RAB2A: variants seen among roughly 807,000 people sequenced by gnomAD.
The protein encoded by RAB2A is RAB2A, member RAS oncogene family.
In RAB2A, 7 loss-of-function variants were observed where a neutral mutation model predicts 32.5. The observed-to-expected ratio is 0.22, with a 90% confidence interval of 0.12 to 0.40. The LOEUF is 0.40. Ranked by LOEUF, RAB2A falls within the 10% of genes least tolerant of loss-of-function variation. RAB2A has a pLI of 1.00. For synonymous variants in RAB2A, 79 were observed against 85.2 expected (o/e 0.93, Z 0.40); for missense variants, 108 against 260.7 (o/e 0.41, Z 4.03).
intron 1 of RAB2A, among the ~76,000 whole-genome samples, chr8:60,549,404 G>A (rs1264238790): frequency 2.6e-5 from 4 of 152,142 alleles, no homozygotes; most frequent in African/African-American, 7.2e-5. Flanking sequence ...TCGGGAGGCC[G>A]AGGCTGGCGG....
chr8:60,562,964 GGCCTACTTA>G (rs1055039465), intron 2 of RAB2A, among the ~76,000 whole-genome samples: 2 of 151,684 alleles, frequency 1.3e-5, no homozygotes, highest in African/African-American at 4.8e-5. Flanking sequence ...ATTGGCCCAA[GGCCTACTTA>G]ACATTTTTGA....
chr8:60,563,925 C>T (rs562798667), intron 2 of RAB2A, among the ~76,000 whole-genome samples: 79 of 152,242 alleles, frequency 5.2e-4, no homozygotes, highest in African/African-American at 1.8e-3. Context: ...ATCATAGTCT[C>T]GTGGCTAAAC....
chr8:60,572,092 A>C lies in RAB2A; in HGVS notation c.165A>C (p.Ile55=). ...TGATAACTATTGATGGGAAACAGAT[A>C]AAACTTCAGATATGGGATACGGTAA... ...ARMITIDGKQ[I]KLQIWDTAGQ... The change falls in exon 3 of 8, where the codon ATA becomes ATC. Residue 55 remains isoleucine (I), a synonymous_variant. Transcript: ENST00000262646. 1 of 1,606,748 alleles carries C rather than the reference A, an allele frequency of 6.2e-7. No individual in the cohort carries two copies. The highest frequency in any genetic ancestry group is 1.1e-5 in the South Asian group (1 of 90,846).
intron 7 of RAB2A, among the ~76,000 whole-genome samples, chr8:60,619,328 GT>G (rs1425875191): frequency 1.3e-4 from 20 of 152,148 alleles, no homozygotes; most frequent in African/African-American, 4.3e-4. Flanking sequence ...AAATGTTTAT[GT>G]GGATGTAGCC....
intron 2 of RAB2A, among the ~76,000 whole-genome samples, chr8:60,566,978 A>G (rs188612689): frequency 6.6e-6 from 1 of 152,262 alleles, no homozygotes; most frequent in African/African-American, 2.4e-5. Flanking sequence ...TAATCCCTAT[A>G]TAGCTTGTGG....
chr8:60,544,878 T>A (rs972913037), intron 1 of RAB2A, among the ~76,000 whole-genome samples: 3 of 152,144 alleles, frequency 2.0e-5, no homozygotes, highest in Non-Finnish European at 4.4e-5. Context: ...TTCACGGTTT[T>A]TCAGTTTGTA....
At chr8:60,527,959 C>A (rs1269568023) in intron 1 of RAB2A, among the ~76,000 whole-genome samples, 1 of 152,168 alleles carries the variant, frequency 6.6e-6, no homozygotes, top group Non-Finnish European at 1.5e-5. Flanking sequence ...CACATACAGT[C>A]TTTTTGTATA....
chr8:60,561,180 C>G (rs772467936), intron 2 of RAB2A, among the ~76,000 whole-genome samples: 1 of 152,076 alleles, frequency 6.6e-6, no homozygotes, highest in African/African-American at 2.4e-5. Flanking sequence ...GGTTTATACC[C>G]CATCTCTTCT....
At chr8:60,599,501 C>A (rs10957150) in intron 6 of RAB2A, among the ~76,000 whole-genome samples, 71,249 of 151,856 alleles carry the variant, frequency 0.47, 17,726 homozygotes, top group African/African-American at 0.64. Flanking sequence ...AAGGAGAATA[C>A]AATGGGATGA....
At chr8:60,598,437 A>C (rs1804068231) in intron 6 of RAB2A, among the ~76,000 whole-genome samples, 1 of 152,194 alleles carries the variant, frequency 6.6e-6, no homozygotes. Context: ...AAGACAATAC[A>C]AAAAAAGGAA....
At chr8:60,598,629 G>C (rs973558945) in intron 6 of RAB2A, among the ~76,000 whole-genome samples, 1 of 152,038 alleles carries the variant, frequency 6.6e-6, no homozygotes, top group Admixed American at 6.6e-5. Context: ...AAACAAATCA[G>C]TGTACTCCAC....
intron 1 of RAB2A, among the ~76,000 whole-genome samples, chr8:60,527,091 T>C (rs1055962825): frequency 5.3e-5 from 8 of 151,806 alleles, no homozygotes; most frequent in Non-Finnish European, 7.4e-5. Context: ...AGGAAACTTA[T>C]AATCATGGCA....
intron 5 of RAB2A, among the ~76,000 whole-genome samples, 160 bp downstream of exon 5, chr8:60,584,975 T>A (rs1383680616): frequency 6.6e-6 from 1 of 152,238 alleles, no homozygotes; most frequent in Non-Finnish European, 1.5e-5. Flanking sequence ...TAAAATGATG[T>A]TAATAAGCTT....
intron 1 of RAB2A, among the ~76,000 whole-genome samples, chr8:60,556,750 G>A (rs1220285124): frequency 6.6e-6 from 1 of 151,796 alleles, no homozygotes; most frequent in African/African-American, 2.4e-5. Flanking sequence ...GTCAGAATGA[G>A]ATTAGTATTA....
At chr8:60,517,786 A>G (rs1807232401) in intron 1 of RAB2A, among the ~76,000 whole-genome samples, 1 of 152,070 alleles carries the variant, frequency 6.6e-6, no homozygotes, top group Admixed American at 6.5e-5. Context: ...AACCTTTAAA[A>G]TATGTATTTT....
At chr8:60,596,633 G>T (rs1464643123) in intron 6 of RAB2A, among the ~76,000 whole-genome samples, 1 of 152,112 alleles carries the variant, frequency 6.6e-6, no homozygotes. Context: ...ATTAAAAAGT[G>T]AGGAAACGGC....
chr8:60,536,612 A>G (rs1807562147), intron 1 of RAB2A, among the ~76,000 whole-genome samples: 1 of 152,226 alleles, frequency 6.6e-6, no homozygotes, highest in South Asian at 2.1e-4. Flanking sequence ...TTGGAACACT[A>G]TTATTTGGGA....
At chr8:60,584,113 C>T in intron 3 of RAB2A, 95 bp from the exon 4 acceptor site, 12 of 1,016,934 alleles carry the variant, frequency 1.2e-5, no homozygotes, top group Non-Finnish European at 1.8e-5. Flanking sequence ...TTTATGCACT[C>T]CTTCCCTACC....
intron 2 of RAB2A, among the ~76,000 whole-genome samples, chr8:60,568,756 G>C (rs542305268): frequency 6.6e-5 from 10 of 152,282 alleles, no homozygotes; most frequent in African/African-American, 2.4e-4. Context: ...CCCCGACAAT[G>C]TCAGGTAAAT....
Sources: allele counts gnomAD v4.1 joint callset (sites outside exome capture counted in the v4.1 genomes callset), GRCh38; gene constraint gnomAD v4.1.1; transcripts MANE v1.5; gene names NCBI Gene and HGNC (gene_info 2026-07-23, HGNC 2026-07-21).